SCN11A: variants seen among roughly 807,000 people sequenced by gnomAD.
SCN11A encodes the protein sodium channel protein type 11 subunit alpha.
SCN11A carries 122 observed loss-of-function variants against 162.2 expected under a neutral mutation model. The observed-to-expected ratio is 0.75, with a 90% CI of 0.65 to 0.87. The LOEUF (loss-of-function observed/expected upper bound fraction) is 0.87. Ranked by LOEUF, SCN11A falls within the 40% of genes least tolerant of loss-of-function variation. The pLI, the probability that SCN11A is intolerant of heterozygous loss-of-function variation, is 0.00. For missense variants in SCN11A, 2,015 were observed against 2,181.6 expected, an observed-to-expected ratio of 0.92 and a Z score of 1.52; for synonymous variants, 758 against 751.5, an observed-to-expected ratio of 1.01 and a Z score of -0.14.
chr3:39,017,559 T>C (rs1323805156), intron 2 of SCN11A, among the ~76,000 whole-genome samples: 1 of 152,220 alleles, frequency 6.6e-6, no homozygotes, highest in African/African-American at 2.4e-5. Context: ...ATCTATATAG[T>C]TTCCATCAAA....
rs1287410833 is a variant in SCN11A, at chr3:38,933,091, G to A, written c.489-6160C>T. ...AAAAATCCGCTGTTCTGCAGCCACCGCTGCTGGTACCCAGGCAAACAGGGT... is the reference window on the plus strand; with the variant it reads ...AAAAATCCGCTGTTCTGCAGCCACCACTGCTGGTACCCAGGCAAACAGGGT... On this transcript the variant is annotated intron_variant, in intron 7 of 29. Transcript: ENST00000302328. Among the ~76,000 whole-genome samples the A allele has an allele frequency of 4.6e-5, 7 of 152,128 alleles. No homozygotes were observed. The South Asian group carries it at 1.0e-3, about 23-fold the overall frequency.
At chr3:38,970,595 G>T (rs1197300847) in intron 2 of SCN11A, among the ~76,000 whole-genome samples, 1 of 152,240 alleles carries the variant, frequency 6.6e-6, no homozygotes. Flanking sequence ...TGAGGTGAGT[G>T]TGTGTGCCTG....
At chr3:38,975,757 A>C (rs2066845928) in intron 2 of SCN11A, among the ~76,000 whole-genome samples, 1 of 152,218 alleles carries the variant, frequency 6.6e-6, no homozygotes, top group South Asian at 2.1e-4. Flanking sequence ...ATATGATTAC[A>C]CTTATATGAG....
At chr3:38,847,899 A>AAG (rs1351006537) in intron 29 of SCN11A, among the ~76,000 whole-genome samples, 157 bp from the exon 30 acceptor site, 5 of 152,186 alleles carry the variant, frequency 3.3e-5, no homozygotes, top group Admixed American at 3.3e-4. Flanking sequence ...TATCAGGGAA[A>AAG]ATACCTATCT....
At position 38,933,473 on chromosome 3, in the gene SCN11A, T is replaced by C. The variant is rs1425749205; in HGVS notation, c.489-6542A>G. ...CCAAAGGCAAAGAAGTTGAAAACTT[T>C]GAAAAAAATTTAGACGAAAGTATAA... On this transcript the variant is annotated intron_variant, in intron 7 of 29. Transcript: ENST00000302328. Among the ~76,000 whole-genome samples the C allele has an allele frequency of 1.3e-5, 2 of 152,082 alleles. 1 individual carries two copies. The highest frequency in any genetic ancestry group is 1.3e-4 in the Admixed American group (2 of 15,272).
rs1559482273 is a variant in SCN11A at position 38,846,993 on chromosome 3, C to T, written c.5077G>A (p.Val1693Ile). 2 of 1,614,128 alleles carry T rather than the reference C, an allele frequency of 1.2e-6. No individual in the cohort carries two copies. Among genetic ancestry groups the T allele is most frequent in the African/African-American group, 2.7e-5 (2 of 75,040 alleles). The change falls in exon 30 of 30, where the codon GTA becomes ATA. Residue 1693 changes from valine to isoleucine, a missense_variant. Physicochemically the swap from Val to Ile is conservative, Grantham distance 29. Transcript: ENST00000302328. ...TCTAGGCCATCAGAGCCACCGAGTA[C>T]CCTAGCGGTGAAGGCGAAAAGAATA... is the stretch of plus-strand genomic sequence containing the variant. ...MDILFAFTAR[V>I]LGGSDGLDSM... is the part of the protein sequence containing the mutation.
At chr3:38,869,499 T>G (rs2065091712) in intron 26 of SCN11A, among the ~76,000 whole-genome samples, 1 of 152,192 alleles carries the variant, frequency 6.6e-6, no homozygotes, top group Non-Finnish European at 1.5e-5. Flanking sequence ...GTTACCTTTG[T>G]CTTTCCAGAA....
At chr3:38,946,929 A>G in intron 5 of SCN11A, 22 bp from the exon 6 acceptor site, 1 of 1,344,926 alleles carries the variant, frequency 7.4e-7, no homozygotes, top group South Asian at 1.2e-5. Context: ...AAAAAACAAT[A>G]CAAGAAAACA....
At chr3:38,936,447 A>C (rs1198485661) in intron 7 of SCN11A, among the ~76,000 whole-genome samples, 1 of 150,992 alleles carries the variant, frequency 6.6e-6, no homozygotes, top group Non-Finnish European at 1.5e-5. Context: ...TTTGCAGATG[A>C]CATGATTGTA....
rs1371432177 is a variant in SCN11A at position 38,987,303 on chromosome 3, T to TCTCTCA, written c.-279-26881_-279-26880insTGAGAG. Among the ~76,000 whole-genome samples the TCTCTCA allele has an allele frequency of 2.6e-3, 272 of 104,446 alleles. 1 individual carries two copies. Among genetic ancestry groups the TCTCTCA allele is most frequent in the Non-Finnish European group, 3.5e-3 (179 of 50,932 alleles). 68.5% of individuals were successfully genotyped at this position (104,446 alleles called of 152,430 possible). ...TTCTCTCTCTCTCTCTCTCTCTCTCTCACACACACACACACACACACACAC... is the reference window on the plus strand; with the variant it reads ...TTCTCTCTCTCTCTCTCTCTCTCTCTCTCTCACACACACACACACACACACACACAC... On this transcript the variant is annotated intron_variant, in intron 2 of 29. Transcript: ENST00000302328.
At chr3:39,043,295 C>G (rs1255243448) in intron 1 of SCN11A, among the ~76,000 whole-genome samples, 1 of 152,152 alleles carries the variant, frequency 6.6e-6, no homozygotes, top group Non-Finnish European at 1.5e-5. Context: ...ACCATACGAT[C>G]CAGCAATCCC....
chr3:38,914,749 G>T (rs963043786), intron 11 of SCN11A, among the ~76,000 whole-genome samples: 3 of 151,992 alleles, frequency 2.0e-5, no homozygotes, highest in Non-Finnish European at 4.4e-5. Context: ...ATATTCATGT[G>T]TTTTTTTACT....
intron 2 of SCN11A, among the ~76,000 whole-genome samples, chr3:39,013,856 AT>A (rs1189616049): frequency 3.3e-5 from 5 of 152,246 alleles, no homozygotes; most frequent in Admixed American, 2.6e-4. Flanking sequence ...TTGCCATTGA[AT>A]TAAAGTTAAG....
chr3:38,928,265 C>T (rs1402995743), intron 7 of SCN11A, among the ~76,000 whole-genome samples: 1 of 152,118 alleles, frequency 6.6e-6, no homozygotes, highest in Admixed American at 6.6e-5. Context: ...ATGTAAATAA[C>T]TCTGACAACA....
chr3:38,883,514 T>C (rs938366631), intron 21 of SCN11A, 127 bp from the exon 22 acceptor site: 7 of 799,926 alleles, frequency 8.8e-6, no homozygotes, highest in South Asian at 1.8e-5. Context: ...ATTAAAGAAG[T>C]AGAGCATCTT....
intron 2 of SCN11A, among the ~76,000 whole-genome samples, chr3:39,025,159 T>G (rs1287419533): frequency 6.6e-6 from 1 of 151,980 alleles, no homozygotes; most frequent in Non-Finnish European, 1.5e-5. Flanking sequence ...CAATTCTTGT[T>G]CCTGACTTAC....
intron 2 of SCN11A, among the ~76,000 whole-genome samples, chr3:39,018,485 A>C (rs533218183): frequency 3.4e-4 from 52 of 152,262 alleles, no homozygotes; most frequent in Middle Eastern, 3.4e-3. Flanking sequence ...CCTGTTAAGG[A>C]AACTGTCTTT....
chr3:38,999,109 C>T (rs2030735894), intron 2 of SCN11A, among the ~76,000 whole-genome samples: 1 of 152,102 alleles, frequency 6.6e-6, no homozygotes, highest in African/African-American at 2.4e-5. Flanking sequence ...TGGGAAAAGT[C>T]TACTTAACAT....
At chr3:38,946,947 A>C (rs758870367) in intron 5 of SCN11A, 40 bp from the exon 6 acceptor site, 1 of 1,143,376 alleles carries the variant, frequency 8.7e-7, no homozygotes, top group African/African-American at 1.6e-5. Flanking sequence ...ACACACACAT[A>C]CACAACAGGA....
Sources: gnomAD v4.1 joint callset for allele counts (sites outside exome capture counted in the v4.1 genomes callset) on GRCh38, gnomAD v4.1.1 for gene constraint, MANE v1.5 for transcripts, NCBI Gene and HGNC (gene_info 2026-07-23, HGNC 2026-07-21) for gene names.